The following FOXN3 variants were observed in gnomAD, a reference collection of about 807,000 sequenced individuals.
The protein encoded by FOXN3 is forkhead box N3.
A neutral mutation model predicts 38.4 loss-of-function variants in FOXN3; 7 were observed. That is an observed-to-expected ratio of 0.18 (90% CI 0.10 to 0.34). The LOEUF is 0.34. Ranked by LOEUF, FOXN3 falls within the 10% of genes least tolerant of loss-of-function variation. The probability of loss-of-function intolerance (pLI) is 1.00; values close to 1 mark genes in which losing one functional copy is unlikely to be tolerated. For missense variants in FOXN3, 456 were observed against 613.4 expected, an observed-to-expected ratio of 0.74 and a Z score of 2.71; for synonymous variants, 230 against 242.2, an observed-to-expected ratio of 0.95 and a Z score of 0.47.
At chr14:89,233,695 C>G (rs1332256603) in intron 4 of FOXN3, among the ~76,000 whole-genome samples, 1 of 152,220 alleles carries the variant, frequency 6.6e-6, no homozygotes, top group East Asian at 1.9e-4. Context: ...AATCTGGAGT[C>G]TCTAGAAATC....
chr14:89,443,584 T>C (rs1444766131), intron 1 of FOXN3, among the ~76,000 whole-genome samples: 1 of 152,216 alleles, frequency 6.6e-6, no homozygotes, highest in African/African-American at 2.4e-5. Flanking sequence ...TCTACCGTGT[T>C]CTTTACTGGC....
chr14:89,507,851 CA>C (rs1893978886), intron 1 of FOXN3, among the ~76,000 whole-genome samples: 1 of 151,840 alleles, frequency 6.6e-6, no homozygotes, highest in Admixed American at 6.6e-5. Flanking sequence ...CATTTAAGGA[CA>C]GCTCTCAAAA....
At chr14:89,513,349 T>C (rs1894135128) in intron 1 of FOXN3, among the ~76,000 whole-genome samples, 1 of 151,588 alleles carries the variant, frequency 6.6e-6, no homozygotes, top group Admixed American at 6.6e-5. Context: ...CTCAGCCTCC[T>C]GAGCAGCTGG....
At chr14:89,234,616 CCTCT>C (rs34492323) in intron 4 of FOXN3, among the ~76,000 whole-genome samples, 3,942 of 147,966 alleles carry the variant, frequency 0.027, 143 homozygotes, top group African/African-American at 0.083. Context: ...TATGTGGCAT[CCTCT>C]CTCTCTCTCT....
chr14:89,526,106 A>G (rs911107167), intron 1 of FOXN3, among the ~76,000 whole-genome samples: 73 of 128,372 alleles, frequency 5.7e-4, no homozygotes, highest in African/African-American at 2.0e-3. Context: ...CAAACTAGGA[A>G]TAGAAGGAAC....
chr14:89,265,403 T>C (rs1206906355), intron 4 of FOXN3, among the ~76,000 whole-genome samples: 1 of 152,176 alleles, frequency 6.6e-6, no homozygotes, highest in Non-Finnish European at 1.5e-5. Flanking sequence ...ACAGCAGCTT[T>C]GAATCTAGCA....
Position 89,548,494 on chromosome 14 carries a change from A to G in FOXN3, c.-15+70534T>C, listed in dbSNP as rs1894929422. 1.3e-5 allele frequency among the ~76,000 whole-genome samples: 2 copies of G among 152,198 alleles called. No individual in the cohort carries two copies. The highest frequency in any genetic ancestry group is 4.1e-4 in the South Asian group (2 of 4,834). On this transcript the variant is annotated intron_variant, in intron 1 of 6. Transcript: ENST00000345097. The surrounding 1 kb of genome is among the most constrained non-coding windows in gnomAD (Gnocchi z 4.8). Reference sequence around the variant, plus strand: ...CATATTTGACTCTAGGACACCAACAATTTACTTAAACACTAGACTTCTATT... The same window carrying G: ...CATATTTGACTCTAGGACACCAACAGTTTACTTAAACACTAGACTTCTATT...
In FOXN3 at chr14:89,437,089, G is replaced by A. The variant is rs569908237; in HGVS notation, c.-14-24599C>T. On this transcript the variant is annotated intron_variant, in intron 1 of 6. Coordinates refer to the FOXN3 transcript ENST00000345097. ...TTGAACATGGGAGGCTGAGACAGGA[G>A]AATCAATTGAACACGGAAGGTTGCA... 5.2e-4 allele frequency among the ~76,000 whole-genome samples: 79 copies of A among 151,940 alleles called. 1 individual carries two copies. The highest frequency in any genetic ancestry group is 8.1e-4 in the Non-Finnish European group (55 of 68,006).
intron 1 of FOXN3, among the ~76,000 whole-genome samples, chr14:89,555,843 GT>G (rs1895105179): frequency 1.3e-5 from 1 of 74,464 alleles, no homozygotes; most frequent in African/African-American, 8.0e-5. Context: ...TTCATGGTGT[GT>G]GTGTGTGTGT....
At chr14:89,320,543 C>T (rs1596181160) in intron 3 of FOXN3, among the ~76,000 whole-genome samples, 1 of 152,202 alleles carries the variant, frequency 6.6e-6, no homozygotes. Context: ...CTCTTGCATA[C>T]CTCGGTGAGA....
chr14:89,316,112 G>C (rs1887711503), intron 3 of FOXN3, among the ~76,000 whole-genome samples: 1 of 152,188 alleles, frequency 6.6e-6, no homozygotes, highest in African/African-American at 2.4e-5. Flanking sequence ...TAGGACATTA[G>C]CAAATATGAC....
intron 4 of FOXN3, among the ~76,000 whole-genome samples, chr14:89,184,705 T>C (rs1393297666): frequency 6.6e-6 from 1 of 152,216 alleles, no homozygotes; most frequent in Non-Finnish European, 1.5e-5. Flanking sequence ...GAAGGAGGCT[T>C]AAACATACCT....
chr14:89,206,754 G>A (rs573773949), intron 4 of FOXN3, among the ~76,000 whole-genome samples: 59 of 152,300 alleles, frequency 3.9e-4, no homozygotes, highest in Middle Eastern at 3.4e-3. Context: ...ATCAACCACC[G>A]TAACTGCCAT....
chr14:89,364,313 C>T (rs542989502), intron 2 of FOXN3: 1 of 149,210 alleles, frequency 6.7e-6, no homozygotes, highest in African/African-American at 2.4e-5. Context: ...GTTTTATGTC[C>T]AACCTTGCTC....
chr14:89,474,972 C>T (rs1034772176), intron 1 of FOXN3, among the ~76,000 whole-genome samples: 14 of 152,048 alleles, frequency 9.2e-5, no homozygotes, highest in Admixed American at 6.6e-5. Flanking sequence ...CCCGCCACCA[C>T]GCCCGGCTAA....
At chr14:89,364,841 A>G (rs1017049756) in intron 2 of FOXN3, 1 of 152,216 alleles carries the variant, frequency 6.6e-6, no homozygotes, top group East Asian at 1.9e-4. Flanking sequence ...CAGGTGGAGA[A>G]GGAATTCTTT....
At chr14:89,449,667 T>C (rs903763857) in intron 1 of FOXN3, among the ~76,000 whole-genome samples, 1 of 152,032 alleles carries the variant, frequency 6.6e-6, no homozygotes, top group Non-Finnish European at 1.5e-5. Context: ...GAGGCCAACT[T>C]ATAGGACATT....
rs1185301671 is a variant in FOXN3 at position 89,271,213 on chromosome 14, C to T, written c.745+9737G>A. ...TAAGTCCACGTCTGAAACTGTCATG[C>T]AAACAGCTCGCTCAGAATATATTCT... On this transcript the variant is annotated intron_variant, in intron 4 of 5. Transcript: ENST00000557258. Among the ~76,000 whole-genome samples, 8 of 152,360 alleles carry T rather than the reference C, an allele frequency of 5.3e-5. No homozygotes were observed. In the East Asian group the frequency reaches 1.5e-3, roughly 29 times the overall value.
At chr14:89,257,499 T>C (rs961816074) in intron 4 of FOXN3, among the ~76,000 whole-genome samples, 4 of 152,238 alleles carry the variant, frequency 2.6e-5, no homozygotes, top group African/African-American at 9.6e-5. Context: ...AATTCCTGTA[T>C]AATCCGATCC....
Sources: gnomAD v4.1 joint callset for allele counts (sites outside exome capture counted in the v4.1 genomes callset) on GRCh38, gnomAD v4.1.1 for gene constraint, Gnocchi (gnomAD v3.1) non-coding constraint, MANE v1.5 for transcripts, NCBI Gene and HGNC (gene_info 2026-07-23, HGNC 2026-07-21) for gene names.